ME2: variants seen among roughly 807,000 people sequenced by gnomAD.
The protein encoded by ME2 is NAD-dependent malic enzyme, mitochondrial.
ME2 carries 60 observed loss-of-function variants against 73.7 expected under a neutral mutation model. That is an observed-to-expected ratio of 0.81 (90% CI 0.66 to 1.01). The LOEUF is 1.01. Among genes scored for constraint, ME2 ranks in the 50% least tolerant of loss-of-function variants. ME2 has a pLI of 0.00. For missense variants in ME2, 594 were observed against 705.5 expected (o/e 0.84, Z 1.79); for synonymous variants, 199 against 236.9 (o/e 0.84, Z 1.47).
At chr18:50,909,659 A>G (rs1030053481) in intron 3 of ME2, among the ~76,000 whole-genome samples, 1 of 152,180 alleles carries the variant, frequency 6.6e-6, no homozygotes, top group Non-Finnish European at 1.5e-5. Context: ...AGATTGAAAA[A>G]TGAATGGAGG....
At chr18:50,927,580 TA>T (rs1249030327) in intron 12 of ME2, among the ~76,000 whole-genome samples, 1 of 151,118 alleles carries the variant, frequency 6.6e-6, no homozygotes. Context: ...CGGGTGCCTT[TA>T]GTCCCAGCTG....
Position 50,924,221 on chromosome 18 carries a change from A to G in ME2, c.1171+9A>G. On this transcript the variant is annotated intron_variant, in intron 11 of 15. Coordinates refer to ENST00000321341, the MANE Select transcript of ME2 (RefSeq NM_002396.5). ...GCCTTCAACTATAATTGGTAGGTAA[A>G]GTTTTTCTGATAAATAATTTTACTC... 1.3e-6 allele frequency: 2 copies of G among 1,547,940 alleles called. No homozygotes were observed. Among genetic ancestry groups the G allele is most frequent in the South Asian group, 2.3e-5 (2 of 86,028 alleles).
intron 3 of ME2, among the ~76,000 whole-genome samples, chr18:50,910,551 G>A (rs989026757): frequency 1.3e-5 from 2 of 152,138 alleles, no homozygotes; most frequent in African/African-American, 4.8e-5. Context: ...ATTCTGCACA[G>A]CAATGTTATT....
Position 50,947,313 on chromosome 18 carries a change from T to C in ME2, c.*129T>C. Reference sequence around the variant, plus strand: ...CCCTGACCACTTTGGTTGATGTATTTTTTCCATGCGTCTCCACATCTGTTG... The same window carrying C: ...CCCTGACCACTTTGGTTGATGTATTCTTTCCATGCGTCTCCACATCTGTTG... On this transcript the variant is annotated 3_prime_UTR_variant, in exon 16 of 16. Coordinates refer to ENST00000321341, the MANE Select transcript of ME2 (RefSeq NM_002396.5). 1 of 886,932 alleles carries C rather than the reference T, an allele frequency of 1.1e-6. No homozygotes were observed. Among genetic ancestry groups the C allele is most frequent in the Non-Finnish European group, 1.7e-6 (1 of 580,342 alleles). The allele number at this position is 886,932 out of a possible 1,614,324, so 54.9% of individuals were successfully genotyped here.
Position 50,947,025 on chromosome 18 carries a change from A to G in ME2, c.1596A>G (p.Glu532=), listed in dbSNP as rs1322655993. Reference sequence around the variant, plus strand: ...CCTTACTTATTTTTCAGGTTACAGAATACCTATATGCTAATAAAATGGCTT... The same window carrying G: ...CCTTACTTATTTTTCAGGTTACAGAGTACCTATATGCTAATAAAATGGCTT... ...VSINIAIKVT[E]YLYANKMAFR... The change falls in exon 16 of 16, where the codon GAA becomes GAG. Residue 532 remains glutamate (E), a synonymous_variant. Coordinates refer to ENST00000321341, the MANE Select transcript of ME2 (RefSeq NM_002396.5). The G allele has an allele frequency of 1.2e-6, 2 of 1,612,246 alleles. No individual in the cohort carries two copies. The highest frequency in any genetic ancestry group is 8.5e-7 in the Non-Finnish European group (1 of 1,178,402).
rs117730222 is a variant in ME2 at position 50,922,100 on chromosome 18, C to T, written c.1056+913C>T. On this transcript the variant is annotated intron_variant, in intron 10 of 15. Coordinates refer to ENST00000321341, the MANE Select transcript of ME2 (RefSeq NM_002396.5). ...TATCTAAATGTACTTTGTTCCAGTT[C>T]TAAAATCTTTTCTTGTTAATTAGAA... 4.3e-3 allele frequency among the ~76,000 whole-genome samples: 656 copies of T among 152,236 alleles called. 10 individuals are homozygous for T. In the East Asian group the frequency reaches 0.064, roughly 15 times the overall value.
intron 2 of ME2, among the ~76,000 whole-genome samples, chr18:50,900,457 G>A (rs1916860694): frequency 6.6e-6 from 1 of 151,758 alleles, no homozygotes; most frequent in East Asian, 1.9e-4. Flanking sequence ...ACCATGCTCA[G>A]CTAATTTTTT....
At chr18:50,890,986 A>T (rs1480609964) in intron 1 of ME2, among the ~76,000 whole-genome samples, 1 of 152,188 alleles carries the variant, frequency 6.6e-6, no homozygotes, top group African/African-American at 2.4e-5. Context: ...AAACGTATGT[A>T]CCTGGGCCTC....
At position 50,950,216 on chromosome 18, in the gene ME2, T is replaced by A. The variant is rs1369179847; in HGVS notation, c.*3032T>A. 6.6e-6 allele frequency: 1 copy of A among 152,196 alleles called. No homozygotes were observed. The highest frequency in any genetic ancestry group is 1.5e-5 in the Non-Finnish European group (1 of 68,042). 9.4% of individuals were successfully genotyped at this position (152,196 alleles called of 1,614,324 possible). A position where few individuals can be genotyped will look rare whatever the true frequency, so the allele number is the denominator to read the frequency against. ...AGTCCAAGATTTTAGTTAAAATATT[T>A]TAAAATTTTTTGATTCATAACCAAG... is the stretch of plus-strand genomic sequence containing the variant. On this transcript the variant is annotated 3_prime_UTR_variant, in exon 16 of 16. Coordinates refer to ENST00000321341, the MANE Select transcript of ME2 (RefSeq NM_002396.5).
intron 1 of ME2, among the ~76,000 whole-genome samples, chr18:50,880,985 G>A (rs1383692907): frequency 1.3e-5 from 2 of 152,154 alleles, no homozygotes; most frequent in Non-Finnish European, 2.9e-5. Context: ...TGTATATTAA[G>A]TTAAAAACTC....
rs1346408413 is a variant in ME2, at chr18:50,952,246, G to C, written c.*5062G>C. 6.6e-6 allele frequency: 1 copy of C among 152,080 alleles called. No homozygotes were observed. Among genetic ancestry groups the C allele is most frequent in the Non-Finnish European group, 1.5e-5 (1 of 68,004 alleles). The allele number at this position is 152,080 out of a possible 1,614,324, so 9.4% of individuals were successfully genotyped here. Reference sequence around the variant, plus strand: ...ACTTTCTCATCTGAAATCAGGGTAAGTTTTTTTAATGTAAGCAGAGAAAAA... The same window carrying C: ...ACTTTCTCATCTGAAATCAGGGTAACTTTTTTTAATGTAAGCAGAGAAAAA... On this transcript the variant is annotated 3_prime_UTR_variant, in exon 16 of 16. Transcript: ENST00000321341.
chr18:50,903,791 G>T (rs28543025), intron 2 of ME2, among the ~76,000 whole-genome samples: 3,068 of 152,128 alleles, frequency 0.02, 93 homozygotes, highest in African/African-American at 0.069. Flanking sequence ...TTAAACATAC[G>T]TTTTAGCCTT....
intron 6 of ME2, 27 bp downstream of exon 6, chr18:50,917,535 T>C: frequency 2.0e-6 from 3 of 1,494,254 alleles, no homozygotes; most frequent in Non-Finnish European, 2.7e-6. Flanking sequence ...TCCCCCTTTA[T>C]CTTCCTCCTG....
At chr18:50,896,657 T>C (rs1374658795) in intron 2 of ME2, among the ~76,000 whole-genome samples, 1 of 152,180 alleles carries the variant, frequency 6.6e-6, no homozygotes, top group Non-Finnish European at 1.5e-5. Context: ...ATATGAAATT[T>C]ACCTTTTGGG....
chr18:50,940,339 C>T lies in ME2; in HGVS notation c.1540C>T (p.Pro514Ser), dbSNP rs1362384661. 1 of 1,611,396 alleles carries T rather than the reference C, an allele frequency of 6.2e-7. No individual in the cohort carries two copies. The highest frequency in any genetic ancestry group is 1.1e-5 in the South Asian group (1 of 90,144). ...AGAGCTAGCCCAAGGGAGACTTTAC[C>T]CACCGCTTGCTAATATTCAGGAAGT... ...DEELAQGRLY[P>S]PLANIQEVSI... The change falls in exon 15 of 16, where the codon CCA becomes TCA. Residue 514 changes from proline (P) to serine (S), a missense_variant. Coordinates refer to ENST00000321341, the MANE Select transcript of ME2 (RefSeq NM_002396.5).
rs1017457464 is a variant in ME2, at chr18:50,949,318, G to A, written c.*2134G>A. Reference sequence around the variant, plus strand: ...TTTTAATTAAAGACAAAAGGTTTATGGGTTTTGGTTTGTTTGTTTTAGATA... The same window carrying A: ...TTTTAATTAAAGACAAAAGGTTTATAGGTTTTGGTTTGTTTGTTTTAGATA... On this transcript the variant is annotated 3_prime_UTR_variant, in exon 16 of 16. Coordinates refer to ENST00000321341, the MANE Select transcript of ME2 (RefSeq NM_002396.5). 5.3e-5 allele frequency: 8 copies of A among 152,298 alleles called. No individual in the cohort carries two copies. The highest frequency in any genetic ancestry group is 5.2e-4 in the Admixed American group (8 of 15,300). 9.4% of individuals were successfully genotyped at this position (152,298 alleles called of 1,614,324 possible). A position where few individuals can be genotyped will look rare whatever the true frequency, so the allele number is the denominator to read the frequency against.
rs1161455977 is a variant in ME2, at chr18:50,953,060, A to G, written c.*5876A>G. 6.7e-6 allele frequency: 1 copy of G among 149,022 alleles called. No homozygotes were observed. Among genetic ancestry groups the G allele is most frequent in the African/African-American group, 2.5e-5 (1 of 40,406 alleles). The allele number at this position is 149,022 out of a possible 1,614,324, so 9.2% of individuals were successfully genotyped here. ...GCAATTTCATCTAATACCTTCATGA[A>G]TTGTTACTTCAGATGAGAATTCTCA... On this transcript the variant is annotated 3_prime_UTR_variant, in exon 16 of 16. Coordinates refer to ENST00000321341, the MANE Select transcript of ME2 (RefSeq NM_002396.5).
chr18:50,886,997 G>A (rs539188685), intron 1 of ME2, among the ~76,000 whole-genome samples: 4 of 152,030 alleles, frequency 2.6e-5, no homozygotes, highest in South Asian at 2.1e-4. Flanking sequence ...AGACTCTGTC[G>A]CAAAAAGAAA....
At chr18:50,885,297 G>A (rs931209066) in intron 1 of ME2, among the ~76,000 whole-genome samples, 3 of 152,284 alleles carry the variant, frequency 2.0e-5, no homozygotes, top group East Asian at 3.9e-4. Flanking sequence ...GAGATCGGAC[G>A]ATTGCTTGAG....
Sources: allele counts gnomAD v4.1 joint callset (sites outside exome capture counted in the v4.1 genomes callset), GRCh38; gene constraint gnomAD v4.1.1; transcripts MANE v1.5; gene names NCBI Gene and HGNC (gene_info 2026-07-23, HGNC 2026-07-21).